Variants in MAP7D2 observed in about 807,000 individuals in gnomAD.
The protein encoded by MAP7D2 is MAP7 domain-containing protein 2.
Under a neutral mutation model 63.5 loss-of-function variants are expected in MAP7D2, and 33 were observed. The observed-to-expected ratio is 0.52, with a 90% CI of 0.39 to 0.70. The LOEUF (loss-of-function observed/expected upper bound fraction) is 0.70. MAP7D2 is among the 30% of genes least tolerant of loss of function. The pLI is 0.00. For synonymous variants in MAP7D2, 224 were observed against 223.7 expected, an observed-to-expected ratio of 1.00 and a Z score of -0.01; for missense variants, 626 against 604.0, an observed-to-expected ratio of 1.04 and a Z score of -0.38.
intron 7 of MAP7D2, 152 bp from the exon 8 acceptor site, chrX:20,042,781 G>A: frequency 1.6e-6 from 1 of 636,034 alleles, no homozygotes; most frequent in Non-Finnish European, 2.4e-6. Context: ...TTTGCGGGGA[G>A]GCAGGATGAG....
chrX:20,037,504 T>C (rs895602083), intron 8 of MAP7D2, among the ~76,000 whole-genome samples: 1 of 111,649 alleles, frequency 9.0e-6, no homozygotes, highest in East Asian at 2.8e-4. Flanking sequence ...GTGGATGATA[T>C]GCAGGCACCA....
intron 10 of MAP7D2, among the ~76,000 whole-genome samples, chrX:20,020,564 G>A (rs753023529): frequency 1.7e-4 from 19 of 111,669 alleles, no homozygotes; most frequent in African/African-American, 2.0e-4. Context: ...CTACAGCCCT[G>A]TGCTACATAA....
intron 4 of MAP7D2, among the ~76,000 whole-genome samples, chrX:20,053,987 G>A (rs957926600): frequency 9.0e-6 from 1 of 111,357 alleles, no homozygotes; most frequent in African/African-American, 3.3e-5. Context: ...GGGACTACAG[G>A]TGCATGCCAC....
chrX:20,070,279 T>TA (rs892603261), intron 1 of MAP7D2, among the ~76,000 whole-genome samples: 2 of 106,189 alleles, frequency 1.9e-5, no homozygotes, highest in Non-Finnish European at 3.9e-5. Context: ...TTTATTTATT[T>TA]ATTTATTTAT....
intron 10 of MAP7D2, among the ~76,000 whole-genome samples, chrX:20,016,728 CT>C (rs920656580): frequency 8.9e-5 from 10 of 111,897 alleles, no homozygotes; most frequent in Non-Finnish European, 1.7e-4. Context: ...TGGGAAGTGT[CT>C]CAATGGCCAC....
chrX:20,097,116 C>G (rs1442495629), intron 1 of MAP7D2, among the ~76,000 whole-genome samples: 1 of 111,801 alleles, frequency 8.9e-6, no homozygotes. Context: ...TGTTCTATAT[C>G]TGTGCCATCC....
At chrX:20,088,364 A>G (rs186845452) in intron 1 of MAP7D2, among the ~76,000 whole-genome samples, 1,053 of 101,036 alleles carry the variant, frequency 0.01, 6 homozygotes, top group Middle Eastern at 0.022. Flanking sequence ...ACATCATCAT[A>G]GCTCACTGTC....
chrX:20,114,519 A>C (rs2066838471), intron 1 of MAP7D2, among the ~76,000 whole-genome samples: 3 of 112,923 alleles, frequency 2.7e-5, no homozygotes, highest in Non-Finnish European at 5.6e-5. Flanking sequence ...TAAAATGGAC[A>C]GTAGATCTGG....
chrX:20,025,563 G>A, intron 9 of MAP7D2, 118 bp downstream of exon 9: 1 of 902,927 alleles, frequency 1.1e-6, no homozygotes, highest in Non-Finnish European at 1.6e-6. Context: ...TGCACGAGGG[G>A]ATGCACTTGT....
intron 4 of MAP7D2, 56 bp from the exon 5 acceptor site, chrX:20,053,044 A>G: frequency 1.1e-6 from 1 of 891,868 alleles, no homozygotes. Context: ...TAGAACCAAG[A>G]AACACATATC....
At chrX:20,112,574 G>A (rs2066775025) in intron 1 of MAP7D2, among the ~76,000 whole-genome samples, 1 of 111,045 alleles carries the variant, frequency 9.0e-6, no homozygotes. Context: ...AAATGCGGCC[G>A]ACTCAGATGT....
chrX:20,063,391 C>A, intron 3 of MAP7D2, 23 bp downstream of exon 3: 2 of 1,202,210 alleles, frequency 1.7e-6, no homozygotes, highest in Non-Finnish European at 2.2e-6. Flanking sequence ...TGGAAGGTGG[C>A]GGAGGGTGCA....
At chrX:20,094,542 GTATATATA>G (rs1364751270) in intron 1 of MAP7D2, among the ~76,000 whole-genome samples, 1 of 6,104 alleles carries the variant, frequency 1.6e-4, no homozygotes, top group Non-Finnish European at 2.9e-4. Context: ...ATATATATAT[GTATATATA>G]TATATATATA....
chrX:20,087,879 C>CT (rs539620594), intron 1 of MAP7D2, among the ~76,000 whole-genome samples: 983 of 52,766 alleles, frequency 0.019, 111 homozygotes, highest in Non-Finnish European at 0.024. Context: ...AATTTCTTTT[C>CT]TTTTTTTTTT....
At chrX:20,059,734 AAAG>A (rs1294334316) in intron 3 of MAP7D2, among the ~76,000 whole-genome samples, 4 of 109,060 alleles carry the variant, frequency 3.7e-5, no homozygotes, top group Non-Finnish European at 5.7e-5. Flanking sequence ...GGAAGGAAAA[AAAG>A]AAGGAAGGAA....
At chrX:20,054,802 G>A (rs1377940217) in intron 4 of MAP7D2, among the ~76,000 whole-genome samples, 2 of 110,801 alleles carry the variant, frequency 1.8e-5, no homozygotes, top group South Asian at 3.8e-4. Flanking sequence ...GGCTGGTCTC[G>A]AACTACTGAC....
intron 1 of MAP7D2, among the ~76,000 whole-genome samples, chrX:20,066,045 C>T (rs912618343): frequency 1.5e-4 from 16 of 109,634 alleles, no homozygotes; most frequent in Non-Finnish European, 2.9e-4. Flanking sequence ...GCCTCAGCCT[C>T]CCGAGTAGCT....
chrX:20,056,688 C>A lies in MAP7D2; in HGVS notation c.476G>T (p.Gly159Val), dbSNP rs1164013856. Reference protein sequence around the residue: ...WGAPLAIGPGGHDACDKLSTS... With the variant: ...WGAPLAIGPGVHDACDKLSTS... ...GGCAACCCTACACTCACCATCATGT[C>A]CTCCGGGTCCAATGGCCAGTGGTGC... Residue 159 changes from glycine (G) to valine (V), a missense_variant, in exon 4 of 17, where the codon GGA becomes GTA. Gly to Val is a moderately radical substitution (Grantham distance 109). Transcript: ENST00000379643. 3 of 1,207,382 alleles carry A rather than the reference C, an allele frequency of 2.5e-6. No individual in the cohort carries two copies. In the African/African-American group the frequency reaches 5.2e-5, roughly 21 times the overall value.
At chrX:20,086,372 A>G (rs1162536561) in intron 1 of MAP7D2, among the ~76,000 whole-genome samples, 1 of 112,308 alleles carries the variant, frequency 8.9e-6, no homozygotes, top group Non-Finnish European at 1.9e-5. Flanking sequence ...CATTTCAGCT[A>G]CACGATAAAT....
Sources: allele counts gnomAD v4.1 joint callset (sites outside exome capture counted in the v4.1 genomes callset), GRCh38; gene constraint gnomAD v4.1.1; transcripts MANE v1.5; gene names NCBI Gene and HGNC (gene_info 2026-07-23, HGNC 2026-07-21).